OPCML: variants seen among roughly 807,000 people sequenced by gnomAD.
The protein encoded by OPCML is opioid binding protein/cell adhesion molecule like.
Under a neutral mutation model 37.8 loss-of-function variants are expected in OPCML, and 13 were observed. That is an observed-to-expected ratio of 0.34 (90% CI 0.22 to 0.55). The LOEUF is 0.55. Among genes scored for constraint, OPCML ranks in the 20% least tolerant of loss-of-function variants. OPCML has a pLI of 0.91. For missense variants in OPCML, 341 were observed against 435.6 expected, an observed-to-expected ratio of 0.78 and a Z score of 1.93; for synonymous variants, 176 against 168.8, an observed-to-expected ratio of 1.04 and a Z score of -0.33.
rs142054085 is a variant in OPCML, at chr11:132,601,534, T to C, written c.379+55553A>G. On this transcript the variant is annotated intron_variant, in intron 3 of 7. Transcript: ENST00000524381. ...ATCCTTCTCCTCACCTTGCATCCCA[T>C]CAGAACTAACATTCATTCCAAGAAG... 2.1e-3 allele frequency among the ~76,000 whole-genome samples: 317 copies of C among 152,284 alleles called. 3 individuals are homozygous for C. In the South Asian group the frequency reaches 0.029, roughly 14 times the overall value.
At chr11:132,598,464 A>G (rs1005029087) in intron 3 of OPCML, among the ~76,000 whole-genome samples, 14 of 152,178 alleles carry the variant, frequency 9.2e-5, no homozygotes, top group African/African-American at 2.9e-4. Flanking sequence ...CGCCATTTCT[A>G]TAAATTAAAT....
At chr11:132,610,268 C>G (rs1938558640) in intron 3 of OPCML, among the ~76,000 whole-genome samples, 1 of 152,172 alleles carries the variant, frequency 6.6e-6, no homozygotes, top group African/African-American at 2.4e-5. Flanking sequence ...TCAGCTGTTT[C>G]TTGAGGTTAG....
chr11:133,468,345 C>T lies in OPCML; in HGVS notation c.61+63919G>A, dbSNP rs996018963. On this transcript the variant is annotated intron_variant, in intron 1 of 7. Coordinates refer to ENST00000524381, the MANE Select transcript of OPCML (RefSeq NM_001012393.5). ...GAAGAAAGGATGCTGGGACAGGCAG[C>T]GGAGACAGATGCTGTGAGACTGTCA... is the stretch of plus-strand genomic sequence containing the variant. Among the ~76,000 whole-genome samples, 10 of 152,130 alleles carry T rather than the reference C, an allele frequency of 6.6e-5. No homozygotes were observed. In the East Asian group the frequency reaches 1.7e-3, roughly 26 times the overall value.
In OPCML at chr11:133,451,913, A is replaced by G. The variant is rs1243018155; in HGVS notation, c.61+80351T>C. ...CCTCTGCAGGGAAGACTACAAGCAAACCAGCTAAGGCCAAAAGGACTCCAC... is the reference window on the plus strand; with the variant it reads ...CCTCTGCAGGGAAGACTACAAGCAAGCCAGCTAAGGCCAAAAGGACTCCAC... On this transcript the variant is annotated intron_variant, in intron 1 of 7. Transcript: ENST00000524381. Among the ~76,000 whole-genome samples, 8 of 151,482 alleles carry G rather than the reference A, an allele frequency of 5.3e-5. No individual in the cohort carries two copies. In the East Asian group the frequency reaches 1.5e-3, roughly 29 times the overall value.
intron 1 of OPCML, among the ~76,000 whole-genome samples, chr11:132,951,863 A>C (rs1467593256): frequency 6.6e-6 from 1 of 152,242 alleles, no homozygotes; most frequent in Non-Finnish European, 1.5e-5. Context: ...AAAAATGAAA[A>C]GGCTTCTGTG....
chr11:133,526,631 G>C (rs1948496881), intron 1 of OPCML, among the ~76,000 whole-genome samples: 1 of 152,158 alleles, frequency 6.6e-6, no homozygotes, highest in South Asian at 2.1e-4. Flanking sequence ...CCACCATCTT[G>C]GGGTATCAAG....
chr11:133,121,101 T>C (rs1214117431), intron 1 of OPCML, among the ~76,000 whole-genome samples: 1 of 152,218 alleles, frequency 6.6e-6, no homozygotes, highest in East Asian at 1.9e-4. Context: ...TTTTATATTT[T>C]TACTAGAGAC....
rs113318678 is a variant in OPCML at position 132,688,168 on chromosome 11, GTT to G, written c.147-30851_147-30850del. 2.8e-3 allele frequency among the ~76,000 whole-genome samples: 404 copies of G among 144,880 alleles called. 3 individuals carry two copies. The highest frequency in any genetic ancestry group is 5.1e-3 in the South Asian group (23 of 4,550). ...CCGGCTTTTCTGTTTAGGAATCATGGTTTTTTTTTTTTATGATTCTTGCCGAA... is the reference window on the plus strand; with the variant it reads ...CCGGCTTTTCTGTTTAGGAATCATGGTTTTTTTTTTATGATTCTTGCCGAA... On this transcript the variant is annotated intron_variant, in intron 2 of 7. Transcript: ENST00000524381.
intron 1 of OPCML, among the ~76,000 whole-genome samples, chr11:132,958,401 G>A (rs1946015002): frequency 6.6e-6 from 1 of 152,242 alleles, no homozygotes; most frequent in Admixed American, 6.5e-5. Flanking sequence ...AGAAGTACAA[G>A]ATGAAGCAGC....
At chr11:133,453,263 A>G (rs908080758) in intron 1 of OPCML, among the ~76,000 whole-genome samples, 1 of 152,242 alleles carries the variant, frequency 6.6e-6, no homozygotes, top group African/African-American at 2.4e-5. Flanking sequence ...CTGAATTGAA[A>G]ACTTAATCAG....
chr11:133,314,219 C>A (rs760570950), intron 1 of OPCML, among the ~76,000 whole-genome samples: 147 of 107,816 alleles, frequency 1.4e-3, no homozygotes, highest in Non-Finnish European at 2.0e-3. Flanking sequence ...TGGGCTACAG[C>A]GAGACTCCGT....
chr11:132,946,077 C>T (rs909439289), intron 1 of OPCML, among the ~76,000 whole-genome samples: 2 of 152,160 alleles, frequency 1.3e-5, no homozygotes, highest in African/African-American at 2.4e-5. Flanking sequence ...CCACTGCGCC[C>T]GGCCTACTTT....
At chr11:133,097,237 C>T (rs1016632336) in intron 1 of OPCML, among the ~76,000 whole-genome samples, 1 of 152,050 alleles carries the variant, frequency 6.6e-6, no homozygotes, top group Non-Finnish European at 1.5e-5. Context: ...AAATCAATAA[C>T]GGGAAGATCA....
chr11:132,629,239 C>G (rs894016661), intron 3 of OPCML, among the ~76,000 whole-genome samples: 1 of 152,130 alleles, frequency 6.6e-6, no homozygotes, highest in Non-Finnish European at 1.5e-5. Flanking sequence ...ACTTCTTCCT[C>G]GTGACAGTCA....
At chr11:133,309,552 G>A (rs1238188507) in intron 1 of OPCML, among the ~76,000 whole-genome samples, 1 of 152,200 alleles carries the variant, frequency 6.6e-6, no homozygotes, top group Non-Finnish European at 1.5e-5. Flanking sequence ...TCTTGTGACA[G>A]AAAACAGAAC....
chr11:133,149,403 C>T (rs935451289), intron 1 of OPCML, among the ~76,000 whole-genome samples: 2 of 152,184 alleles, frequency 1.3e-5, no homozygotes, highest in African/African-American at 4.8e-5. Context: ...TAGCCTGCCT[C>T]TTTAAGCCAG....
At chr11:133,162,856 T>C (rs982585053) in intron 1 of OPCML, among the ~76,000 whole-genome samples, 1 of 152,170 alleles carries the variant, frequency 6.6e-6, no homozygotes, top group African/African-American at 2.4e-5. Context: ...AAATCCTTCA[T>C]AGTAGCGAAA....
intron 4 of OPCML, among the ~76,000 whole-genome samples, chr11:132,496,249 T>A (rs139351150): frequency 2.0e-5 from 3 of 152,324 alleles, no homozygotes; most frequent in African/African-American, 7.2e-5. Flanking sequence ...GTGAAAGTGG[T>A]CTCAAGAGTA....
chr11:132,769,073 C>A (rs752003202), intron 2 of OPCML, among the ~76,000 whole-genome samples: 1 of 127,922 alleles, frequency 7.8e-6, no homozygotes, highest in African/African-American at 3.0e-5. Flanking sequence ...GAGGAGGCTG[C>A]GCTGCTGAGG....
Sources: gnomAD v4.1 joint callset for allele counts (sites outside exome capture counted in the v4.1 genomes callset) on GRCh38, gnomAD v4.1.1 for gene constraint, MANE v1.5 for transcripts, NCBI Gene and HGNC (gene_info 2026-07-23, HGNC 2026-07-21) for gene names.